The following ROBO1 variants were observed in gnomAD, a reference collection of about 807,000 sequenced individuals.
ROBO1 encodes roundabout guidance receptor 1.
Under a neutral mutation model 195.9 loss-of-function variants are expected in ROBO1, and 149 were observed. The ratio of observed to expected loss-of-function variants is 0.76; its 90% CI spans 0.67 to 0.87. The LOEUF (loss-of-function observed/expected upper bound fraction) is 0.87. ROBO1 is among the 40% of genes least tolerant of loss of function. ROBO1 has a pLI of 0.00. For missense variants in ROBO1, 1,933 were observed against 2,068.3 expected, an observed-to-expected ratio of 0.93 and a Z score of 1.27; for synonymous variants, 816 against 733.2, an observed-to-expected ratio of 1.11 and a Z score of -1.82.
At chr3:79,763,495 C>A (rs1704822527) in intron 1 of ROBO1, among the ~76,000 whole-genome samples, 1 of 152,014 alleles carries the variant, frequency 6.6e-6, no homozygotes, top group Admixed American at 6.6e-5. Context: ...ACATGAACCA[C>A]CCTAGACAAA....
At chr3:79,694,038 C>A (rs1947371660) in intron 1 of ROBO1, among the ~76,000 whole-genome samples, 1 of 151,546 alleles carries the variant, frequency 6.6e-6, no homozygotes, top group Non-Finnish European at 1.5e-5. Context: ...AAAATAGAGG[C>A]CTAATACTGG....
At chr3:78,913,116 C>T (rs1477802220) in intron 4 of ROBO1, among the ~76,000 whole-genome samples, 3 of 151,994 alleles carry the variant, frequency 2.0e-5, no homozygotes, top group Non-Finnish European at 4.4e-5. Context: ...AACTTTCCAG[C>T]CAACAAATGG....
intron 8 of ROBO1, among the ~76,000 whole-genome samples, chr3:78,706,151 C>T (rs1255228234): frequency 1.3e-5 from 2 of 151,898 alleles, no homozygotes; most frequent in African/African-American, 2.4e-5. Flanking sequence ...AACTCTCACT[C>T]GGATGGGGAG....
intron 4 of ROBO1, 76 bp downstream of exon 4, chr3:78,938,525 T>C (rs2039943351): frequency 7.5e-7 from 1 of 1,332,724 alleles, no homozygotes; most frequent in Non-Finnish European, 1.0e-6. Context: ...AAATTCGACT[T>C]TTCATTGCCA....
At chr3:79,491,031 C>G (rs1939426885) in intron 2 of ROBO1, among the ~76,000 whole-genome samples, 1 of 151,814 alleles carries the variant, frequency 6.6e-6, no homozygotes, top group Non-Finnish European at 1.5e-5. Context: ...TTATTTATTT[C>G]CTATATTATT....
At chr3:79,120,390 T>C (rs1162346823) in intron 3 of ROBO1, among the ~76,000 whole-genome samples, 5 of 152,196 alleles carry the variant, frequency 3.3e-5, no homozygotes, top group Admixed American at 3.3e-4. Flanking sequence ...TCTAGTGTCC[T>C]ATGTTGAAGG....
At chr3:78,632,270 C>A (rs755957997) in intron 24 of ROBO1, among the ~76,000 whole-genome samples, 1 of 152,148 alleles carries the variant, frequency 6.6e-6, no homozygotes, top group African/African-American at 2.4e-5. Flanking sequence ...ATTCAATGAG[C>A]CTTGATTTTT....
intron 3 of ROBO1, among the ~76,000 whole-genome samples, chr3:79,032,406 T>C (rs1264163304): frequency 6.6e-6 from 1 of 151,888 alleles, no homozygotes; most frequent in Non-Finnish European, 1.5e-5. Context: ...AAATGAAAAA[T>C]AATATAATAA....
chr3:78,646,868 T>C (rs530123566), intron 20 of ROBO1, among the ~76,000 whole-genome samples: 1 of 152,012 alleles, frequency 6.6e-6, no homozygotes, highest in Non-Finnish European at 1.5e-5. Context: ...AATTTAACCA[T>C]AACAAAAAAA....
chr3:79,726,411 C>T (rs567197977), intron 1 of ROBO1, among the ~76,000 whole-genome samples: 1 of 152,168 alleles, frequency 6.6e-6, no homozygotes, highest in Non-Finnish European at 1.5e-5. Context: ...GTTTTTGTAA[C>T]GACATCATAT....
At chr3:79,185,878 T>G (rs909490711) in intron 2 of ROBO1, among the ~76,000 whole-genome samples, 4 of 152,158 alleles carry the variant, frequency 2.6e-5, no homozygotes, top group Non-Finnish European at 4.4e-5. Flanking sequence ...ATTCTCTATA[T>G]CTCTGTGTAT....
intron 4 of ROBO1, among the ~76,000 whole-genome samples, chr3:78,931,086 T>A (rs1482126459): frequency 6.6e-6 from 1 of 152,068 alleles, no homozygotes; most frequent in Non-Finnish European, 1.5e-5. Flanking sequence ...TCATTTTTGG[T>A]CACCATTGAC....
intron 2 of ROBO1, among the ~76,000 whole-genome samples, chr3:79,357,236 G>A (rs941918572): frequency 3.9e-5 from 6 of 152,080 alleles, no homozygotes; most frequent in Admixed American, 3.3e-4. Flanking sequence ...GAGGGCACAT[G>A]CCTGAATGAA....
chr3:78,734,476 A>G (rs904463118), intron 5 of ROBO1, among the ~76,000 whole-genome samples: 2 of 151,660 alleles, frequency 1.3e-5, no homozygotes, highest in Admixed American at 6.6e-5. Context: ...TGGGATGATC[A>G]CCTGAGCCCA....
At chr3:79,292,613 T>C (rs1258842457) in intron 2 of ROBO1, among the ~76,000 whole-genome samples, 1 of 152,198 alleles carries the variant, frequency 6.6e-6, no homozygotes, top group East Asian at 1.9e-4. Flanking sequence ...TGAAGGCCTT[T>C]TCTTTATCTA....
intron 2 of ROBO1, among the ~76,000 whole-genome samples, chr3:79,149,173 C>T (rs1256300542): frequency 1.3e-5 from 2 of 151,900 alleles, no homozygotes; most frequent in African/African-American, 4.8e-5. Context: ...CAGCATACTT[C>T]TGCGTTCAGA....
At chr3:78,740,049 T>C (rs1448624621) in intron 5 of ROBO1, among the ~76,000 whole-genome samples, 1 of 152,202 alleles carries the variant, frequency 6.6e-6, no homozygotes, top group Non-Finnish European at 1.5e-5. Context: ...GAATTTTTAG[T>C]ATGTAACTGA....
intron 3 of ROBO1, among the ~76,000 whole-genome samples, chr3:79,004,682 G>C (rs1489648037): frequency 1.3e-5 from 2 of 152,136 alleles, no homozygotes; most frequent in Non-Finnish European, 2.9e-5. Context: ...AAAGGATATA[G>C]ACAGTGTATC....
chr3:79,066,815 C>G (rs1017782917), intron 3 of ROBO1, among the ~76,000 whole-genome samples: 29 of 151,794 alleles, frequency 1.9e-4, no homozygotes, highest in African/African-American at 6.8e-4. Context: ...TAGCATGCCT[C>G]GAAATCCTGT....
Sources: gnomAD v4.1 joint callset for allele counts (sites outside exome capture counted in the v4.1 genomes callset) on GRCh38, gnomAD v4.1.1 for gene constraint, MANE v1.5 for transcripts, NCBI Gene and HGNC (gene_info 2026-07-23, HGNC 2026-07-21) for gene names.